The following RUNX2 variants were observed in gnomAD, a reference collection of about 807,000 sequenced individuals.
RUNX2 encodes RUNX family transcription factor 2, also known as runt-related transcription factor 2.
A neutral mutation model predicts 51.7 loss-of-function variants in RUNX2; 10 were observed. That is an observed-to-expected ratio of 0.19 (90% CI 0.12 to 0.33). RUNX2 has a LOEUF of 0.33. Among genes scored for constraint, RUNX2 ranks in the 10% least tolerant of loss-of-function variants. The pLI is 1.00. For missense variants in RUNX2, 562 were observed against 691.3 expected, an observed-to-expected ratio of 0.81 and a Z score of 2.10; for synonymous variants, 276 against 273.6, an observed-to-expected ratio of 1.01 and a Z score of -0.09.
chr6:45,444,378 A>T, intron 5 of RUNX2, among the ~76,000 whole-genome samples: 1 of 152,204 alleles, frequency 6.6e-6, no homozygotes. Context: ...ACCTGTCTCA[A>T]CCTGGTGGGA....
At chr6:45,433,893 C>G (rs1452158763) in intron 4 of RUNX2, among the ~76,000 whole-genome samples, 1 of 152,156 alleles carries the variant, frequency 6.6e-6, no homozygotes, top group Non-Finnish European at 1.5e-5. Context: ...TGACCCCCTC[C>G]CCCTATATTT....
chr6:45,463,610 C>T (rs892159456), intron 5 of RUNX2, among the ~76,000 whole-genome samples: 1 of 152,096 alleles, frequency 6.6e-6, no homozygotes, highest in South Asian at 2.1e-4. Context: ...TACAGCGATA[C>T]TCAAATTTGT....
chr6:45,546,796 T>A (rs1197581000), intron 8 of RUNX2, 31 bp from the exon 9 acceptor site: 1 of 1,507,380 alleles, frequency 6.6e-7, no homozygotes, highest in Middle Eastern at 1.7e-4. Flanking sequence ...ATTTACAGAT[T>A]TTTCCCTCCA....
intron 2 of RUNX2, among the ~76,000 whole-genome samples, chr6:45,336,650 TTTC>T (rs1291893204): frequency 2.0e-5 from 3 of 151,524 alleles, no homozygotes; most frequent in East Asian, 1.9e-4. Context: ...TTCAAACAAT[TTTC>T]TTGACTATAA....
At chr6:45,493,245 T>C (rs768559339) in intron 6 of RUNX2, among the ~76,000 whole-genome samples, 1 of 152,134 alleles carries the variant, frequency 6.6e-6, no homozygotes, top group Non-Finnish European at 1.5e-5. Context: ...ATTATAAAAA[T>C]CAAACATCTA....
At chr6:45,464,028 C>T (rs1189872694) in intron 5 of RUNX2, among the ~76,000 whole-genome samples, 5 of 152,066 alleles carry the variant, frequency 3.3e-5, no homozygotes, top group Non-Finnish European at 1.5e-5. Context: ...CCCGTCCCTA[C>T]TAAAAATACA....
intron 5 of RUNX2, among the ~76,000 whole-genome samples, chr6:45,468,642 C>T (rs964786209): frequency 6.6e-6 from 1 of 152,024 alleles, no homozygotes; most frequent in Non-Finnish European, 1.5e-5. Context: ...GAAAAAAATC[C>T]CTTTATATTT....
intron 2 of RUNX2, among the ~76,000 whole-genome samples, chr6:45,412,996 C>T (rs1233018352): frequency 1.3e-5 from 2 of 152,114 alleles, no homozygotes; most frequent in Non-Finnish European, 2.9e-5. Context: ...AGTGATCAGC[C>T]CACCTTGGCC....
In RUNX2 at chr6:45,474,236, C is replaced by A. The variant is rs571122833; in HGVS notation, c.686-17705C>A. On this transcript the variant is annotated intron_variant, in intron 5 of 8. Transcript: ENST00000647337. ...ACTAATTTGTCACAGTGCTATTGTG[C>A]CCTAGAGATAGGTATAGTAGAGTAA... Among the ~76,000 whole-genome samples, 5 of 151,532 alleles carry A rather than the reference C, an allele frequency of 3.3e-5. No individual in the cohort carries two copies. The South Asian group carries it at 1.0e-3, about 32-fold the overall frequency.
chr6:45,423,012 C>T, intron 3 of RUNX2, 55 bp downstream of exon 3: 10 of 1,587,120 alleles, frequency 6.3e-6, no homozygotes, highest in Non-Finnish European at 8.5e-6. Flanking sequence ...ACCTGCCCGC[C>T]GGTGTCTTCC....
chr6:45,437,366 A>G (rs1460367383), intron 4 of RUNX2, among the ~76,000 whole-genome samples: 1 of 152,194 alleles, frequency 6.6e-6, no homozygotes, highest in Non-Finnish European at 1.5e-5. Flanking sequence ...TGTTCCAGTA[A>G]TGATGAAATC....
At chr6:45,515,200 A>G (rs578091630) in intron 7 of RUNX2, among the ~76,000 whole-genome samples, 2 of 152,256 alleles carry the variant, frequency 1.3e-5, no homozygotes, top group East Asian at 1.9e-4. Context: ...ATATTCTCAT[A>G]TGATTTTGGG....
intron 5 of RUNX2, among the ~76,000 whole-genome samples, chr6:45,457,851 C>G (rs1304358487): frequency 6.6e-6 from 1 of 151,968 alleles, no homozygotes; most frequent in East Asian, 1.9e-4. Flanking sequence ...GCCCAGTCAG[C>G]CATTGTGGTT....
intron 5 of RUNX2, among the ~76,000 whole-genome samples, chr6:45,448,092 T>A (rs769001331): frequency 6.6e-6 from 1 of 152,204 alleles, no homozygotes; most frequent in Non-Finnish European, 1.5e-5. Flanking sequence ...GTTTCTAAGC[T>A]CCTGTCACTC....
intron 2 of RUNX2, among the ~76,000 whole-genome samples, chr6:45,395,131 GT>G (rs2150348898): frequency 6.6e-6 from 1 of 152,272 alleles, no homozygotes; most frequent in East Asian, 1.9e-4. Context: ...TATTCAGTCT[GT>G]TTCTCCAGTG....
intron 2 of RUNX2, among the ~76,000 whole-genome samples, chr6:45,403,918 A>G (rs1797774665): frequency 6.6e-6 from 1 of 152,170 alleles, no homozygotes. Context: ...GAAAATCGCT[A>G]TCTCCCATAC....
intron 7 of RUNX2, among the ~76,000 whole-genome samples, chr6:45,525,567 T>C (rs1801648199): frequency 3.9e-5 from 6 of 152,248 alleles, no homozygotes; most frequent in Admixed American, 2.6e-4. Flanking sequence ...TTAGTTTCTT[T>C]AAGCGTGAAC....
chr6:45,500,372 G>T (rs1800770896), intron 6 of RUNX2, among the ~76,000 whole-genome samples: 1 of 152,218 alleles, frequency 6.6e-6, no homozygotes, highest in South Asian at 2.1e-4. Context: ...AGAGGCATCA[G>T]ATTCTCTTTA....
intron 2 of RUNX2, among the ~76,000 whole-genome samples, chr6:45,397,015 A>G (rs1236637320): frequency 6.6e-6 from 1 of 152,034 alleles, no homozygotes; most frequent in Non-Finnish European, 1.5e-5. Context: ...ATATGTGTAT[A>G]GTATATATAT....
Sources: gnomAD v4.1 joint callset for allele counts (sites outside exome capture counted in the v4.1 genomes callset) on GRCh38, gnomAD v4.1.1 for gene constraint, MANE v1.5 for transcripts, NCBI Gene and HGNC (gene_info 2026-07-23, HGNC 2026-07-21) for gene names.